DEUP1: variants seen among roughly 807,000 people sequenced by gnomAD.
The protein encoded by DEUP1 is coiled-coil domain containing 67.
DEUP1 carries 82 observed loss-of-function variants against 87.4 expected under a neutral mutation model. The ratio of observed to expected loss-of-function variants is 0.94; its 90% CI spans 0.78 to 1.13. The LOEUF is 1.13. Among genes scored for constraint, DEUP1 ranks in the 50% most tolerant of loss-of-function variants. The probability of loss-of-function intolerance (pLI) is 0.00; values close to 1 mark genes in which losing one functional copy is unlikely to be tolerated. For missense variants in DEUP1, 663 were observed against 681.5 expected, an observed-to-expected ratio of 0.97 and a Z score of 0.30; for synonymous variants, 214 against 222.7, an observed-to-expected ratio of 0.96 and a Z score of 0.35.
At chr11:93,337,237 G>A (rs1322319377) in intron 2 of DEUP1, among the ~76,000 whole-genome samples, 1 of 152,100 alleles carries the variant, frequency 6.6e-6, no homozygotes, top group Non-Finnish European at 1.5e-5. Flanking sequence ...AACCCTTAAA[G>A]TATTCTTTCC....
At chr11:93,335,170 A>C (rs979969274) in intron 2 of DEUP1, among the ~76,000 whole-genome samples, 5 of 145,848 alleles carry the variant, frequency 3.4e-5, no homozygotes, top group East Asian at 1.9e-4. Flanking sequence ...CTCAAGAGAT[A>C]TTTACAAAAT....
In DEUP1 at chr11:93,332,272, G is replaced by A. The variant is rs759394741; in HGVS notation, c.13G>A (p.Ala5Thr). ...GCAGTTTCTTGACATGGAGAACCAA[G>A]CCCATAATACGATGGGGTAAGTGCT... is the stretch of plus-strand genomic sequence containing the variant. MENQ[A>T]HNTMGTSPCE... The change falls in exon 2 of 14, where the codon GCC (alanine) becomes ACC (threonine). Residue 5 changes from alanine (A) to threonine (T), a missense_variant. Ala to Thr is a moderately conservative substitution (Grantham distance 58). Transcript: ENST00000298050. The A allele has an allele frequency of 6.2e-7, 1 of 1,608,492 alleles. No individual in the cohort carries two copies.
chr11:93,434,658 A>G (rs1335143033), intron 13 of DEUP1, among the ~76,000 whole-genome samples: 1 of 152,202 alleles, frequency 6.6e-6, no homozygotes, highest in Non-Finnish European at 1.5e-5. Flanking sequence ...TGGTAGAAGC[A>G]TTCCGCCTCT....
At chr11:93,418,377 G>C (rs904099349) in intron 13 of DEUP1, among the ~76,000 whole-genome samples, 62 of 152,026 alleles carry the variant, frequency 4.1e-4, no homozygotes, top group African/African-American at 1.4e-3. Context: ...CGAAGGACAT[G>C]AACAGACACT....
intron 13 of DEUP1, 92 bp downstream of exon 13, chr11:93,415,206 G>T: frequency 1.4e-6 from 1 of 732,194 alleles, no homozygotes; most frequent in South Asian, 1.9e-5. Flanking sequence ...ATAGTAGTTC[G>T]TTTGTTTTTA....
At chr11:93,371,433 G>A (rs533933759) in intron 7 of DEUP1, among the ~76,000 whole-genome samples, 153 bp downstream of exon 7, 27 of 152,052 alleles carry the variant, frequency 1.8e-4, no homozygotes, top group African/African-American at 3.4e-4. Flanking sequence ...CACTTGATGC[G>A]TAGATTCAAT....
At chr11:93,392,052 T>G (rs960110027) in intron 9 of DEUP1, among the ~76,000 whole-genome samples, 2 of 152,166 alleles carry the variant, frequency 1.3e-5, no homozygotes, top group African/African-American at 4.8e-5. Flanking sequence ...ATGAATAGAA[T>G]CAGATGAAGG....
chr11:93,368,315 A>G (rs1214856987), intron 5 of DEUP1, among the ~76,000 whole-genome samples: 1 of 152,226 alleles, frequency 6.6e-6, no homozygotes, highest in Non-Finnish European at 1.5e-5. Context: ...TATTTTTCAC[A>G]GTTCTGGAGG....
chr11:93,408,344 A>G lies in DEUP1; in HGVS notation c.1440A>G (p.Ser480=). ...DLAKLHVNGK[S]TWTNQNTYEE... ...CAAAACTTCATGTCAATGGAAAATCAACCTGGACTAATCAAAACACCTATG... is the reference window on the plus strand; with the variant it reads ...CAAAACTTCATGTCAATGGAAAATCGACCTGGACTAATCAAAACACCTATG... Residue 480 remains serine, a synonymous_variant, in exon 12 of 14, where the codon TCA becomes TCG. Transcript: ENST00000298050. 1 of 1,576,720 alleles carries G rather than the reference A, an allele frequency of 6.3e-7. No homozygotes were observed. Among genetic ancestry groups the G allele is most frequent in the Non-Finnish European group, 8.6e-7 (1 of 1,160,012 alleles).
intron 11 of DEUP1, among the ~76,000 whole-genome samples, chr11:93,397,405 A>C (rs961233897): frequency 2.0e-5 from 3 of 152,190 alleles, no homozygotes; most frequent in African/African-American, 7.2e-5. Context: ...TGTGTCATCT[A>C]TGACATTTTT....
At position 93,415,001 on chromosome 11, in the gene DEUP1, C is replaced by A. The variant is rs1947562091; in HGVS notation, c.1525C>A (p.Leu509Ile). The change falls in exon 13 of 14, where the codon CTT (leucine) becomes ATT (isoleucine). Residue 509 changes from leucine to isoleucine, a missense_variant and splice_region_variant. Leu to Ile is a conservative substitution (Grantham distance 5). Transcript: ENST00000298050. ...CAACAACCATTTCTTCTCTTTTAGA[C>A]TTAGTCATGACTGTGAGCCAAACAG... Reference protein sequence around the residue: ...QIKVEQNEERLSHDCEPNRST... With the variant: ...QIKVEQNEERISHDCEPNRST... The A allele has an allele frequency of 6.5e-7, 1 of 1,527,452 alleles. No individual in the cohort carries two copies. The allele number at this position is 1,527,452 out of a possible 1,614,324, so 94.6% of individuals were successfully genotyped here.
chr11:93,377,797 G>T (rs1308725025), intron 7 of DEUP1, among the ~76,000 whole-genome samples: 1 of 152,070 alleles, frequency 6.6e-6, no homozygotes, highest in Non-Finnish European at 1.5e-5. Flanking sequence ...ATGTTGGCTT[G>T]GTAGTGGTGA....
chr11:93,401,324 T>G (rs928136276), intron 11 of DEUP1, among the ~76,000 whole-genome samples: 3 of 152,130 alleles, frequency 2.0e-5, no homozygotes, highest in Non-Finnish European at 4.4e-5. Flanking sequence ...TATTCCATTC[T>G]CATGTATTGG....
At chr11:93,367,119 G>A (rs949139431) in intron 5 of DEUP1, among the ~76,000 whole-genome samples, 1 of 152,070 alleles carries the variant, frequency 6.6e-6, no homozygotes, top group African/African-American at 2.4e-5. Context: ...TTTATCATGA[G>A]CTACTGTTAT....
intron 2 of DEUP1, among the ~76,000 whole-genome samples, chr11:93,338,346 C>G (rs969614862): frequency 1.3e-5 from 2 of 151,804 alleles, no homozygotes; most frequent in Non-Finnish European, 2.9e-5. Flanking sequence ...TTTGTCTTCT[C>G]TTCTGTCACA....
chr11:93,391,084 G>GT (rs552415322), intron 9 of DEUP1, among the ~76,000 whole-genome samples: 1 of 122,522 alleles, frequency 8.2e-6, no homozygotes, highest in Non-Finnish European at 1.8e-5. Flanking sequence ...TCTGTCTCAG[G>GT]AAAAAAAAAA....
intron 4 of DEUP1, among the ~76,000 whole-genome samples, chr11:93,359,655 A>G (rs1358745226): frequency 6.6e-6 from 1 of 152,202 alleles, no homozygotes; most frequent in Admixed American, 6.5e-5. Context: ...CCCCAAGGAA[A>G]GTCTGCTCTC....
At chr11:93,336,399 G>A (rs1192671210) in intron 2 of DEUP1, among the ~76,000 whole-genome samples, 1 of 132,530 alleles carries the variant, frequency 7.5e-6, no homozygotes, top group Non-Finnish European at 1.8e-5. Context: ...GGGACACAGA[G>A]CCAACCATAT....
At position 93,331,885 on chromosome 11, in the gene DEUP1, A is replaced by C. The variant is rs1453273971; in HGVS notation, c.-44-331A>C. Among the ~76,000 whole-genome samples, 3 of 152,130 alleles carry C rather than the reference A, an allele frequency of 2.0e-5. No individual in the cohort carries two copies. The East Asian group carries it at 5.8e-4, about 29-fold the overall frequency. On this transcript the variant is annotated intron_variant, in intron 1 of 13. Transcript: ENST00000298050. ...CATGCGAAACCCCGTCCCTACTAAA[A>C]ATACAAAAATTAGCCGGGCATGGTG...
Sources: allele counts gnomAD v4.1 joint callset (sites outside exome capture counted in the v4.1 genomes callset), GRCh38; gene constraint gnomAD v4.1.1; transcripts MANE v1.5; gene names NCBI Gene and HGNC (gene_info 2026-07-23, HGNC 2026-07-21).